Variants in PCNX4 observed in about 807,000 individuals in gnomAD.
PCNX4 encodes the protein pecanex-like protein 4.
PCNX4 carries 103 observed loss-of-function variants against 107.2 expected under a neutral mutation model. The observed-to-expected ratio is 0.96, with a 90% confidence interval of 0.82 to 1.13. The LOEUF is 1.13. Ranked by LOEUF, PCNX4 falls within the 50% of genes most tolerant of loss-of-function variation. The pLI is 0.00. For synonymous variants in PCNX4, 541 were observed against 481.7 expected (o/e 1.12, Z -1.61); for missense variants, 1,528 against 1,379.4 (o/e 1.11, Z -1.71).
intron 1 of PCNX4, among the ~76,000 whole-genome samples, chr14:60,103,407 C>T (rs1372144413): frequency 2.0e-5 from 3 of 152,200 alleles, no homozygotes; most frequent in African/African-American, 7.2e-5. Context: ...TCCATTGTGA[C>T]TCTTCAAGAT....
At position 60,114,773 on chromosome 14, in the gene PCNX4, C is replaced by A; in HGVS notation, c.763C>A (p.Leu255Met). 6.2e-7 allele frequency: 1 copy of A among 1,613,804 alleles called. No homozygotes were observed. The highest frequency in any genetic ancestry group is 8.5e-7 in the Non-Finnish European group (1 of 1,179,828). ...CATCTTGTTTGTATTTTTACCCTTT[C>A]TGTGGGCACTTGGGACTCTGCCCCC... ...LHILFVFLPF[L>M]WALGTLPPPD... The change falls in exon 3 of 11, where the codon CTG (leucine) becomes ATG (methionine). Residue 255 changes from leucine to methionine, a missense_variant. By Grantham distance (15) the Leu-to-Met change is conservative. Coordinates refer to ENST00000406854, the MANE Select transcript of PCNX4 (RefSeq NM_001330177.2).
rs1595185691 is a variant in PCNX4, at chr14:60,142,267, T to G, written c.*8046T>G. 6.6e-6 allele frequency: 1 copy of G among 152,182 alleles called. No homozygotes were observed. Among genetic ancestry groups the G allele is most frequent in the East Asian group, 1.9e-4 (1 of 5,202 alleles). The allele number at this position is 152,182 out of a possible 1,614,324, so 9.4% of individuals were successfully genotyped here. A position where few individuals can be genotyped will look rare whatever the true frequency, so the allele number is the denominator to read the frequency against. On this transcript the variant is annotated 3_prime_UTR_variant, in exon 11 of 11. Transcript: ENST00000406854. This position sits in a 1 kb window ranked among gnomAD's most constrained non-coding sequence, Gnocchi z 4.7. ...TACATCAATTATACCTCAGTAAAGG[T>G]GTCAGAAATAACAGGATATTTATAT... is the stretch of plus-strand genomic sequence containing the variant.
chr14:60,142,927 G>C lies in PCNX4; in HGVS notation c.*8706G>C, dbSNP rs928704960. The C allele has an allele frequency of 1.3e-5, 2 of 152,150 alleles. No individual in the cohort carries two copies. Among genetic ancestry groups the C allele is most frequent in the African/African-American group, 4.8e-5 (2 of 41,382 alleles). 9.4% of individuals were successfully genotyped at this position (152,150 alleles called of 1,614,324 possible). A position where few individuals can be genotyped will look rare whatever the true frequency, so the allele number is the denominator to read the frequency against. On this transcript the variant is annotated 3_prime_UTR_variant, in exon 11 of 11. Coordinates refer to ENST00000406854, the MANE Select transcript of PCNX4 (RefSeq NM_001330177.2). The surrounding 1 kb of genome is among the most constrained non-coding windows in gnomAD (Gnocchi z 4.7). ...TGCGGTGAACTGAGATAGTGCCACTGTACTCTAGCCTGGGCGACACAGTAA... is the reference window on the plus strand; with the variant it reads ...TGCGGTGAACTGAGATAGTGCCACTCTACTCTAGCCTGGGCGACACAGTAA...
intron 10 of PCNX4, among the ~76,000 whole-genome samples, chr14:60,131,114 C>T (rs1186560006): frequency 6.6e-6 from 1 of 152,156 alleles, no homozygotes. Flanking sequence ...CATGAAACCA[C>T]CCCGATCTTG....
chr14:60,115,873 TTTTG>T (rs1895838304), intron 5 of PCNX4, 54 bp downstream of exon 5: 1 of 1,589,042 alleles, frequency 6.3e-7, no homozygotes, highest in Non-Finnish European at 8.6e-7. Context: ...TTTATTGTAA[TTTTG>T]TTTAATAGTT....
In PCNX4 at chr14:60,114,972, AG is replaced by A. The variant is rs753524330; in HGVS notation, c.870del. 6.3e-7 allele frequency: 1 copy of A among 1,577,588 alleles called. No individual in the cohort carries two copies. The highest frequency in any genetic ancestry group is 8.6e-7 in the Non-Finnish European group (1 of 1,165,030). ...ATTTTTTTCTTTTTTTTTTCTGTAC[AG>A]GTTATTAGTAATGTTCATCATGTCT... On this transcript the variant is annotated splice_acceptor_variant, in intron 3 of 10. Transcript: ENST00000406854. LOFTEE classifies it high-confidence loss of function.
Position 60,115,135 on chromosome 14 carries a change from C to A in PCNX4, c.1031C>A (p.Pro344His), listed in dbSNP as rs1244078698. The A allele has an allele frequency of 1.9e-6, 3 of 1,613,456 alleles. No homozygotes were observed. The highest frequency in any genetic ancestry group is 2.5e-6 in the Non-Finnish European group (3 of 1,179,692). Residue 344 changes from proline to histidine, a missense_variant, in exon 4 of 11, where the codon CCC (proline) becomes CAC (histidine). Pro to His is a moderately conservative substitution (Grantham distance 77, BLOSUM62 -2). Transcript: ENST00000406854. The stretch of plus-strand genomic sequence containing the variant: ...ATTGGAACCAAATCTAAGGATTTAC[C>A]CAGTGGTCCGGAAAAACATTTTTCA... Reference protein sequence around the residue: ...HKIGTKSKDLPSGPEKHFSWK... With the variant: ...HKIGTKSKDLHSGPEKHFSWK...
At chr14:60,093,370 C>G (rs913415742) in intron 1 of PCNX4, among the ~76,000 whole-genome samples, 6 of 152,160 alleles carry the variant, frequency 3.9e-5, no homozygotes, top group Non-Finnish European at 8.8e-5. Flanking sequence ...TTATCCTTAC[C>G]CCACCAGCCA....
Position 60,145,718 on chromosome 14 carries a change from A to G in PCNX4, c.*11497A>G, listed in dbSNP as rs1434969673. On this transcript the variant is annotated 3_prime_UTR_variant, in exon 11 of 11. Coordinates refer to ENST00000406854, the MANE Select transcript of PCNX4 (RefSeq NM_001330177.2). This position sits in a 1 kb window ranked among gnomAD's most constrained non-coding sequence, Gnocchi z 4.0. Reference sequence around the variant, plus strand: ...AAAAAATTATTTGTGAACTTTTTGTATATTGCTTAAGGAATAAAACAAGGC... The same window carrying G: ...AAAAAATTATTTGTGAACTTTTTGTGTATTGCTTAAGGAATAAAACAAGGC... 2 of 152,130 alleles carry G rather than the reference A, an allele frequency of 1.3e-5. No homozygotes were observed. The highest frequency in any genetic ancestry group is 6.6e-5 in the Admixed American group (1 of 15,254). 9.4% of individuals were successfully genotyped at this position (152,130 alleles called of 1,614,324 possible).
intron 1 of PCNX4, among the ~76,000 whole-genome samples, chr14:60,094,383 A>C (rs1895378756): frequency 6.6e-6 from 1 of 152,178 alleles, no homozygotes; most frequent in Non-Finnish European, 1.5e-5. Context: ...GGCAGTTGTT[A>C]GTCCAAACTG....
intron 6 of PCNX4, among the ~76,000 whole-genome samples, 198 bp downstream of exon 6, chr14:60,116,258 A>C (rs1895847033): frequency 6.6e-6 from 1 of 152,210 alleles, no homozygotes. Flanking sequence ...TAGTCCCAGC[A>C]GCTACTAATC....
rs1896350552 is a variant in PCNX4, at chr14:60,144,596, A to G, written c.*10375A>G. On this transcript the variant is annotated 3_prime_UTR_variant, in exon 11 of 11. Coordinates refer to ENST00000406854, the MANE Select transcript of PCNX4 (RefSeq NM_001330177.2). ...AATTCTGCTGGTGCATTGGTCTTGG[A>G]ATTCCCAGCCTCAAGAGCCAGGAAA... 7 of 217,252 alleles carry G rather than the reference A, an allele frequency of 3.2e-5. No homozygotes were observed. The South Asian group carries it at 4.1e-4, about 13-fold the overall frequency. 13.5% of individuals were successfully genotyped at this position (217,252 alleles called of 1,614,324 possible). A position where few individuals can be genotyped will look rare whatever the true frequency, so the allele number is the denominator to read the frequency against.
At chr14:60,122,964 A>AT (rs1191248732) in intron 8 of PCNX4, among the ~76,000 whole-genome samples, 1 of 152,086 alleles carries the variant, frequency 6.6e-6, no homozygotes, top group Non-Finnish European at 1.5e-5. Context: ...AGAAGTGGAA[A>AT]TTCTTGGGCC....
chr14:60,114,173 G>A (rs1440340791), intron 2 of PCNX4, among the ~76,000 whole-genome samples: 1 of 152,204 alleles, frequency 6.6e-6, no homozygotes. Flanking sequence ...GACAGTACAA[G>A]ACAAAGAGGA....
intron 1 of PCNX4, among the ~76,000 whole-genome samples, chr14:60,106,577 GT>G (rs936585795): frequency 3.3e-5 from 5 of 152,174 alleles, no homozygotes; most frequent in Admixed American, 6.5e-5. Flanking sequence ...ACTGGAAGAT[GT>G]AAGAAGATAG....
intron 2 of PCNX4, among the ~76,000 whole-genome samples, chr14:60,112,126 T>C (rs1895751515): frequency 6.6e-6 from 1 of 152,220 alleles, no homozygotes; most frequent in African/African-American, 2.4e-5. Flanking sequence ...TGTATAATAA[T>C]ACTTTTAAAT....
Position 60,146,393 on chromosome 14 carries a change from A to G in PCNX4, c.*12172A>G, listed in dbSNP as rs1440196899. The G allele has an allele frequency of 1.3e-5, 2 of 152,180 alleles. No individual in the cohort carries two copies. Among genetic ancestry groups the G allele is most frequent in the Non-Finnish European group, 2.9e-5 (2 of 68,030 alleles). 9.4% of individuals were successfully genotyped at this position (152,180 alleles called of 1,614,324 possible). ...TCCCTCTTTCCCCTTTGAAAAAAAA[A>G]TCACTTCTATAATATATTCTTTCTC... On this transcript the variant is annotated 3_prime_UTR_variant, in exon 11 of 11. Coordinates refer to ENST00000406854, the MANE Select transcript of PCNX4 (RefSeq NM_001330177.2). The surrounding 1 kb of genome is among the most constrained non-coding windows in gnomAD (Gnocchi z 4.9).
chr14:60,131,314 A>G (rs986341837), intron 10 of PCNX4, among the ~76,000 whole-genome samples: 4 of 152,248 alleles, frequency 2.6e-5, no homozygotes, highest in Non-Finnish European at 5.9e-5. Context: ...TAATGTATAG[A>G]ATATCTAAGG....
At position 60,145,304 on chromosome 14, in the gene PCNX4, A is replaced by G. The variant is rs759569840; in HGVS notation, c.*11083A>G. 3.8e-5 allele frequency: 9 copies of G among 234,162 alleles called. No individual in the cohort carries two copies. Among genetic ancestry groups the G allele is most frequent in the Non-Finnish European group, 5.7e-5 (7 of 123,110 alleles). 14.5% of individuals were successfully genotyped at this position (234,162 alleles called of 1,614,324 possible). A position where few individuals can be genotyped will look rare whatever the true frequency, so the allele number is the denominator to read the frequency against. On this transcript the variant is annotated 3_prime_UTR_variant, in exon 11 of 11. Transcript: ENST00000406854. This position sits in a 1 kb window ranked among gnomAD's most constrained non-coding sequence, Gnocchi z 4.0. The stretch of plus-strand genomic sequence containing the variant: ...AATGACTTTTCTGGATCAGCATATC[A>G]TACCTACACTGACTTGCCCTAATAA...
Sources: allele counts gnomAD v4.1 joint callset (sites outside exome capture counted in the v4.1 genomes callset), GRCh38; gene constraint gnomAD v4.1.1; non-coding constraint Gnocchi (gnomAD v3.1); transcripts MANE v1.5; gene names NCBI Gene and HGNC (gene_info 2026-07-23, HGNC 2026-07-21).